The following LMO3 variants were observed in gnomAD, a reference collection of about 807,000 sequenced individuals.
LMO3 encodes LIM domain only protein 3.
Under a neutral mutation model 15.8 loss-of-function variants are expected in LMO3, and 2 were observed. The ratio of observed to expected loss-of-function variants is 0.13; its 90% CI spans 0.05 to 0.40. The LOEUF is 0.40. Ranked by LOEUF, LMO3 falls within the 10% of genes least tolerant of loss-of-function variation. The pLI, the probability that LMO3 is intolerant of heterozygous loss-of-function variation, is 0.99. For missense variants in LMO3, 86 were observed against 182.2 expected, an observed-to-expected ratio of 0.47 and a Z score of 3.04; for synonymous variants, 62 against 63.8, an observed-to-expected ratio of 0.97 and a Z score of 0.13.
In LMO3 at chr12:16,598,114, A is replaced by G. The variant is rs1053130623; in HGVS notation, c.206+2541T>C. 2.0e-5 allele frequency: 3 copies of G among 152,152 alleles called. No homozygotes were observed. The highest frequency in any genetic ancestry group is 1.3e-4 in the Admixed American group (2 of 15,274). The allele number at this position is 152,152 out of a possible 1,614,324, so 9.4% of individuals were successfully genotyped here. The stretch of plus-strand genomic sequence containing the variant: ...AAAATCTGCTTGACTATATTTGTTG[A>G]TTTACCATACAGAATCAGACTATTT... On this transcript the variant is annotated intron_variant, in intron 2 of 3. Coordinates refer to ENST00000537304, the MANE Select transcript of LMO3 (RefSeq NM_018640.5). The surrounding 1 kb of genome is among the most constrained non-coding windows in gnomAD (Gnocchi z 4.3).
intron 3 of LMO3, among the ~76,000 whole-genome samples, chr12:16,553,127 T>C (rs191850658): frequency 2.5e-4 from 38 of 152,276 alleles, no homozygotes; most frequent in Admixed American, 2.5e-3. Context: ...AGCATGTATG[T>C]ACATGATCAC....
chr12:16,609,059 G>GT (rs1415351759), upstream of LMO3: 1 of 152,064 alleles, frequency 6.6e-6, no homozygotes, highest in Non-Finnish European at 1.5e-5. Context: ...GAAAATAGCA[G>GT]TTTTTCTCTT....
upstream of LMO3, chr12:16,606,193 G>A (rs1943994821): frequency 4.7e-6 from 1 of 214,100 alleles, no homozygotes; most frequent in East Asian, 1.2e-4. Flanking sequence ...GGGAGGGAAT[G>A]TCTATTTTTT....
In LMO3 at chr12:16,548,398, CAT is replaced by C. The variant is rs905772540; in HGVS notation, c.*2822_*2823del. On this transcript the variant is annotated 3_prime_UTR_variant, in exon 4 of 4. Coordinates refer to ENST00000537304, the MANE Select transcript of LMO3 (RefSeq NM_018640.5). This position sits in a 1 kb window ranked among gnomAD's most constrained non-coding sequence, Gnocchi z 4.2. ...AGTGTAACACCCCTTTTATTAAAAA[CAT>C]AAATCCAAATGTAAAAAAGTGAATG... 4.6e-5 allele frequency: 7 copies of C among 151,996 alleles called. No homozygotes were observed. Among genetic ancestry groups the C allele is most frequent in the African/African-American group, 1.7e-4 (7 of 41,370 alleles). The allele number at this position is 151,996 out of a possible 1,614,324, so 9.4% of individuals were successfully genotyped here.
chr12:16,577,644 C>A (rs772765933), intron 2 of LMO3, among the ~76,000 whole-genome samples: 32 of 152,096 alleles, frequency 2.1e-4, no homozygotes, highest in Non-Finnish European at 3.7e-4. Flanking sequence ...TAATAACAAA[C>A]AAACAGAAAG....
chr12:16,605,037 C>T (rs1943942284), intron 1 of LMO3: 1 of 1,540,456 alleles, frequency 6.5e-7, no homozygotes, highest in Non-Finnish European at 8.7e-7. Context: ...TGTGAAGCCA[C>T]TTTGGGAGCG....
In LMO3 at chr12:16,568,499, CA is replaced by C. The variant is rs1399091188; in HGVS notation, c.207-7962del. ...CTGTGCTGACCAGCATTTTAGCCAC[CA>C]GCCACATGTGGCTAATGACTACTTG... On this transcript the variant is annotated intron_variant, in intron 2 of 3. Transcript: ENST00000537304. 1.8e-4 allele frequency among the ~76,000 whole-genome samples: 27 copies of C among 152,280 alleles called. No homozygotes were observed. In the East Asian group the frequency reaches 4.6e-3, roughly 26 times the overall value.
In LMO3 at chr12:16,603,440, T is replaced by G. The variant is rs189438382; in HGVS notation, c.-8-2572A>C. On this transcript the variant is annotated intron_variant, in intron 1 of 3. Transcript: ENST00000537304. The surrounding 1 kb of genome is among the most constrained non-coding windows in gnomAD (Gnocchi z 4.9). ...TCCCCTCTTCCACCAGAAGAACATG[T>G]CTGGGTAGAGTTACGTGTTTGTAGC... Among the ~76,000 whole-genome samples the G allele has an allele frequency of 6.0e-3, 908 of 152,302 alleles. 10 individuals are homozygous for G. The highest frequency in any genetic ancestry group is 0.021 in the African/African-American group (867 of 41,558).
rs1824937755 is a variant in LMO3 at position 16,575,761 on chromosome 12, CTTAAAGATCACT to C, written c.207-15235_207-15224del. 2.0e-5 allele frequency among the ~76,000 whole-genome samples: 3 copies of C among 152,294 alleles called. No individual in the cohort carries two copies. The South Asian group carries it at 6.2e-4, about 32-fold the overall frequency. On this transcript the variant is annotated intron_variant, in intron 2 of 3. Coordinates refer to ENST00000537304, the MANE Select transcript of LMO3 (RefSeq NM_018640.5). Reference sequence around the variant, plus strand: ...CCTCAGAGGCTATTCACTACTACCTCTTAAAGATCACTTTTCATGTCCTGACCTGTAGGAAGT... The same window carrying C: ...CCTCAGAGGCTATTCACTACTACCTCTTTCATGTCCTGACCTGTAGGAAGT...
chr12:16,605,761 G>T, intron 1 of LMO3: 1 of 1,535,256 alleles, frequency 6.5e-7, no homozygotes, highest in Non-Finnish European at 8.7e-7. Context: ...ATCCACTCGA[G>T]TCGTACTTGA....
Position 16,551,054 on chromosome 12 carries a change from C to T in LMO3, c.*168G>A, listed in dbSNP as rs1591761736. 1.9e-6 allele frequency: 1 copy of T among 529,074 alleles called. No individual in the cohort carries two copies. Among genetic ancestry groups the T allele is most frequent in the African/African-American group, 1.9e-5 (1 of 53,032 alleles). 32.8% of individuals were successfully genotyped at this position (529,074 alleles called of 1,614,324 possible). ...ATAAACATTCAACTCTGAACTGGGG[C>T]AATTTCACTACATACAGATGCAGTC... On this transcript the variant is annotated 3_prime_UTR_variant, in exon 4 of 4. Coordinates refer to ENST00000537304, the MANE Select transcript of LMO3 (RefSeq NM_018640.5).
At position 16,593,093 on chromosome 12, in the gene LMO3, C is replaced by T. The variant is rs1229105597; in HGVS notation, c.206+7562G>A. On this transcript the variant is annotated intron_variant, in intron 2 of 3. Coordinates refer to ENST00000537304, the MANE Select transcript of LMO3 (RefSeq NM_018640.5). This position sits in a 1 kb window ranked among gnomAD's most constrained non-coding sequence, Gnocchi z 4.2. ...AGGATTAGCACATTTTATGAAGTTCCATGCCTGCTTACTAGTCCTTGTCAT... is the reference window on the plus strand; with the variant it reads ...AGGATTAGCACATTTTATGAAGTTCTATGCCTGCTTACTAGTCCTTGTCAT... Among the ~76,000 whole-genome samples the T allele has an allele frequency of 1.3e-5, 2 of 151,678 alleles. No homozygotes were observed. The highest frequency in any genetic ancestry group is 3.0e-5 in the Non-Finnish European group (2 of 67,764).
rs920122313 is a variant in LMO3 at position 16,585,872 on chromosome 12, G to T, written c.206+14783C>A. Among the ~76,000 whole-genome samples, 1 of 152,094 alleles carries T rather than the reference G, an allele frequency of 6.6e-6. No individual in the cohort carries two copies. Among genetic ancestry groups the T allele is most frequent in the Non-Finnish European group, 1.5e-5 (1 of 68,008 alleles). On this transcript the variant is annotated intron_variant, in intron 2 of 3. Transcript: ENST00000537304. This position sits in a 1 kb window ranked among gnomAD's most constrained non-coding sequence, Gnocchi z 4.7. ...ATGTCAACATGTATATGATTCACAG[G>T]CCCAAGTAAAACATCATTTAGTCAT...
chr12:16,605,300 CTTG>C (rs1382842690), intron 1 of LMO3: 1 of 1,173,202 alleles, frequency 8.5e-7, no homozygotes, highest in East Asian at 5.0e-5. Flanking sequence ...ATAAATCTGA[CTTG>C]TATTTCATAA....
At chr12:16,608,166 ATG>A, upstream of LMO3, 1 of 141,172 alleles carries the variant, frequency 7.1e-6, no homozygotes, top group Non-Finnish European at 1.6e-5. The surrounding 1 kb of genome is among the most constrained non-coding windows in gnomAD (Gnocchi z 4.1). Context: ...GTGTGCATGC[ATG>A]TGTGTGTGTC....
chr12:16,607,737 T>C (rs905156604), upstream of LMO3: 8 of 152,000 alleles, frequency 5.3e-5, no homozygotes, highest in Admixed American at 5.2e-4. Context: ...CCATCAGTTT[T>C]AATCTAGCTC....
intron 2 of LMO3, among the ~76,000 whole-genome samples, chr12:16,583,582 T>G (rs1369755778): frequency 1.3e-5 from 2 of 152,026 alleles, no homozygotes; most frequent in Non-Finnish European, 2.9e-5. Flanking sequence ...ATAAAAGAAA[T>G]TAAAGATAAA....
intron 2 of LMO3, among the ~76,000 whole-genome samples, chr12:16,561,837 A>C (rs1440481263): frequency 6.6e-6 from 1 of 152,196 alleles, no homozygotes; most frequent in African/African-American, 2.4e-5. Context: ...TCTCTTGAAG[A>C]GCATAAGCGC....
chr12:16,570,493 A>G (rs887238700), intron 2 of LMO3, among the ~76,000 whole-genome samples: 4 of 152,180 alleles, frequency 2.6e-5, no homozygotes, highest in African/African-American at 7.2e-5. Context: ...GAAGCATTAT[A>G]GGAAAATGAT....
Sources: gnomAD v4.1 joint callset for allele counts (sites outside exome capture counted in the v4.1 genomes callset) on GRCh38, gnomAD v4.1.1 for gene constraint, Gnocchi (gnomAD v3.1) non-coding constraint, MANE v1.5 for transcripts, NCBI Gene and HGNC (gene_info 2026-07-23, HGNC 2026-07-21) for gene names.